Variants in NKAIN3 observed in about 807,000 individuals in gnomAD.
The protein encoded by NKAIN3 is sodium/potassium transporting ATPase interacting 3, also known as sodium/potassium-transporting ATPase subunit beta-1-interacting protein 3.
In NKAIN3, 25 loss-of-function variants were observed where a neutral mutation model predicts 30.2. The observed-to-expected ratio is 0.83, with a 90% CI of 0.60 to 1.16. NKAIN3 has a LOEUF of 1.16. NKAIN3 is among the 50% of genes most tolerant of loss of function. The pLI, the probability that NKAIN3 is intolerant of heterozygous loss-of-function variation, is 0.00. For synonymous variants in NKAIN3, 91 were observed against 89.6 expected (o/e 1.02, Z -0.09); for missense variants, 225 against 254.1 (o/e 0.89, Z 0.78).
chr8:62,459,341 GA>G (rs1805919195), intron 1 of NKAIN3, among the ~76,000 whole-genome samples: 1 of 152,178 alleles, frequency 6.6e-6, no homozygotes, highest in African/African-American at 2.4e-5. Flanking sequence ...CAGGGCTGCT[GA>G]AATTTCAGCA....
intron 6 of NKAIN3, among the ~76,000 whole-genome samples, chr8:62,955,285 T>G (rs1335156950): frequency 6.6e-6 from 1 of 152,200 alleles, no homozygotes; most frequent in African/African-American, 2.4e-5. Context: ...ACATTCACCC[T>G]ATATAACACT....
rs376660796 is a variant in NKAIN3 at position 62,910,409 on chromosome 8, T to G, written c.472-8044T>G. Among the ~76,000 whole-genome samples, 9 of 152,250 alleles carry G rather than the reference T, an allele frequency of 5.9e-5. No homozygotes were observed. The East Asian group carries it at 9.6e-4, about 16-fold the overall frequency. On this transcript the variant is annotated intron_variant, in intron 4 of 6. Coordinates refer to ENST00000623646, the MANE Select transcript of NKAIN3 (RefSeq NM_001304533.3). ...CCTACTCCCAAACCTCTCTTTGAAT[T>G]TCAACTGTATTTACTTGAAGGATAA...
chr8:62,312,852 G>A (rs1426887041), intron 1 of NKAIN3, among the ~76,000 whole-genome samples: 1 of 151,688 alleles, frequency 6.6e-6, no homozygotes, highest in Non-Finnish European at 1.5e-5. Context: ...TGATGGAGAT[G>A]TGGGAGATAT....
chr8:62,991,887 A>G (rs925979807), intron 5 of NKAIN3, among the ~76,000 whole-genome samples: 7 of 152,316 alleles, frequency 4.6e-5, no homozygotes, highest in African/African-American at 1.4e-4. Flanking sequence ...CTTGAGTTGC[A>G]GGCATTGGTA....
chr8:62,467,993 C>T (rs1806215596), intron 1 of NKAIN3, among the ~76,000 whole-genome samples: 1 of 152,010 alleles, frequency 6.6e-6, no homozygotes, highest in African/African-American at 2.4e-5. Flanking sequence ...GGCTGGTCTT[C>T]AATTCCTGAG....
chr8:62,336,153 G>A (rs1177877464), intron 1 of NKAIN3, among the ~76,000 whole-genome samples: 2 of 152,008 alleles, frequency 1.3e-5, no homozygotes, highest in African/African-American at 4.8e-5. Context: ...GTCTATTGCT[G>A]GGAGAGCCTG....
chr8:62,620,283 G>C (rs1272848579), intron 3 of NKAIN3, among the ~76,000 whole-genome samples: 2 of 152,090 alleles, frequency 1.3e-5, no homozygotes, highest in Non-Finnish European at 2.9e-5. Context: ...TCTCAAATGA[G>C]GGTCTTATGA....
intron 1 of NKAIN3, among the ~76,000 whole-genome samples, chr8:62,391,412 A>C (rs1334362664): frequency 6.6e-6 from 1 of 152,126 alleles, no homozygotes; most frequent in Non-Finnish European, 1.5e-5. Context: ...GCTGTGAAAT[A>C]AGGTCAAAGT....
rs575538290 is a variant in NKAIN3 at position 62,353,997 on chromosome 8, A to G, written c.54+104870A>G. Among the ~76,000 whole-genome samples the G allele has an allele frequency of 1.6e-3, 246 of 152,306 alleles. 1 individual carries two copies. Among genetic ancestry groups the G allele is most frequent in the African/African-American group, 5.8e-3 (240 of 41,588 alleles). The stretch of plus-strand genomic sequence containing the variant: ...GGATTTGTGAGGAGAAGGGTTGATT[A>G]TAGCTCAATCTGAGATGTTTAAGAG... On this transcript the variant is annotated intron_variant, in intron 1 of 6. Transcript: ENST00000623646.
At chr8:62,688,741 G>GACACAC (rs375008096) in intron 3 of NKAIN3, among the ~76,000 whole-genome samples, 22 of 116,504 alleles carry the variant, frequency 1.9e-4, no homozygotes, top group African/African-American at 3.9e-4. Context: ...CAGACAGACA[G>GACACAC]ACACACACAC....
At chr8:62,615,624 G>A (rs754867703) in intron 3 of NKAIN3, among the ~76,000 whole-genome samples, 4 of 152,158 alleles carry the variant, frequency 2.6e-5, no homozygotes, top group Non-Finnish European at 4.4e-5. Flanking sequence ...CCCTTAGCAG[G>A]GAGGTTTGCA....
At chr8:62,351,413 C>T (rs1317396598) in intron 1 of NKAIN3, among the ~76,000 whole-genome samples, 1 of 149,726 alleles carries the variant, frequency 6.7e-6, no homozygotes, top group African/African-American at 2.4e-5. Flanking sequence ...TCTTACTTTT[C>T]CTCGGAATAT....
At chr8:62,523,637 G>C (rs998514527) in intron 1 of NKAIN3, among the ~76,000 whole-genome samples, 1 of 152,098 alleles carries the variant, frequency 6.6e-6, no homozygotes, top group East Asian at 1.9e-4. Flanking sequence ...GAAGGAAAAT[G>C]GTTAGGTCTA....
At chr8:62,673,278 T>C (rs1813366487) in intron 3 of NKAIN3, among the ~76,000 whole-genome samples, 1 of 152,256 alleles carries the variant, frequency 6.6e-6, no homozygotes, top group African/African-American at 2.4e-5. Context: ...TAATTCATTA[T>C]TTCAAATTTA....
chr8:62,408,864 C>T (rs1295694687), intron 1 of NKAIN3, among the ~76,000 whole-genome samples: 1 of 152,130 alleles, frequency 6.6e-6, no homozygotes, highest in Admixed American at 6.5e-5. Context: ...TGTTCATATC[C>T]ATTAGTCACA....
At chr8:62,470,639 G>A (rs779761688) in intron 1 of NKAIN3, among the ~76,000 whole-genome samples, 1 of 152,090 alleles carries the variant, frequency 6.6e-6, no homozygotes, top group Non-Finnish European at 1.5e-5. Context: ...GCAGAGCAGA[G>A]ATTTAGACAA....
chr8:62,739,325 G>T (rs1202428209), intron 3 of NKAIN3, among the ~76,000 whole-genome samples: 2 of 151,984 alleles, frequency 1.3e-5, no homozygotes, highest in Non-Finnish European at 2.9e-5. Flanking sequence ...TTTGTAAACT[G>T]TGGATTTCTT....
At chr8:62,658,617 C>T (rs1812838486) in intron 3 of NKAIN3, among the ~76,000 whole-genome samples, 1 of 152,016 alleles carries the variant, frequency 6.6e-6, no homozygotes, top group African/African-American at 2.4e-5. Flanking sequence ...TCGTAGCTTC[C>T]CTTCTACTTA....
intron 4 of NKAIN3, among the ~76,000 whole-genome samples, chr8:62,833,480 T>C (rs1349478161): frequency 6.6e-6 from 1 of 151,654 alleles, no homozygotes; most frequent in Non-Finnish European, 1.5e-5. Flanking sequence ...AAATCAGAAA[T>C]GACAAAGTTG....
Sources: gnomAD v4.1 joint callset for allele counts (sites outside exome capture counted in the v4.1 genomes callset) on GRCh38, gnomAD v4.1.1 for gene constraint, MANE v1.5 for transcripts, NCBI Gene and HGNC (gene_info 2026-07-23, HGNC 2026-07-21) for gene names.